The following JARID2 variants were observed in gnomAD, a reference collection of about 807,000 sequenced individuals.
JARID2 encodes protein Jumonji.
In JARID2, 21 loss-of-function variants were observed where a neutral mutation model predicts 125.6. The observed-to-expected ratio is 0.17, with a 90% CI of 0.12 to 0.24. JARID2 has a LOEUF of 0.24. Ranked by LOEUF, JARID2 falls within the 10% of genes least tolerant of loss-of-function variation. The probability of loss-of-function intolerance (pLI) is 1.00; values close to 1 mark genes in which losing one functional copy is unlikely to be tolerated. For synonymous variants in JARID2, 736 were observed against 661.6 expected, an observed-to-expected ratio of 1.11 and a Z score of -1.73; for missense variants, 1,303 against 1,639.6, an observed-to-expected ratio of 0.79 and a Z score of 3.55.
rs1397051948 is a variant in JARID2 at position 15,520,967 on chromosome 6, C to T, written c.*716C>T. On this transcript the variant is annotated 3_prime_UTR_variant, in exon 18 of 18. Transcript: ENST00000341776. ...AAGACTGCCTGCCTTGGAGGGGTCA[C>T]ATGAGGGAGACCTGTGCCTGATTTC... 1 of 337,330 alleles carries T rather than the reference C, an allele frequency of 3.0e-6. No homozygotes were observed. The highest frequency in any genetic ancestry group is 6.1e-6 in the Non-Finnish European group (1 of 163,602). 20.9% of individuals were successfully genotyped at this position (337,330 alleles called of 1,614,324 possible). A position where few individuals can be genotyped will look rare whatever the true frequency, so the allele number is the denominator to read the frequency against.
chr6:15,453,578 G>C (rs1478835118), intron 4 of JARID2, among the ~76,000 whole-genome samples: 1 of 152,218 alleles, frequency 6.6e-6, no homozygotes, highest in Non-Finnish European at 1.5e-5. Context: ...GTGTATAAGT[G>C]TTAAGAGAGG....
At chr6:15,398,780 C>T (rs975774745) in intron 2 of JARID2, among the ~76,000 whole-genome samples, 1 of 152,154 alleles carries the variant, frequency 6.6e-6, no homozygotes, top group East Asian at 1.9e-4. Context: ...TTTATTAGTG[C>T]TGATGCCTGT....
intron 1 of JARID2, among the ~76,000 whole-genome samples, chr6:15,283,139 C>A (rs191510545): frequency 1.3e-5 from 2 of 151,008 alleles, no homozygotes; most frequent in African/African-American, 2.4e-5. Context: ...CCACCACGCC[C>A]GGCTAATTTT....
chr6:15,420,841 G>T (rs1314133442), intron 3 of JARID2, among the ~76,000 whole-genome samples: 1 of 152,198 alleles, frequency 6.6e-6, no homozygotes, highest in African/African-American at 2.4e-5. Flanking sequence ...TATTTTACTT[G>T]ATGTCCTATG....
At chr6:15,519,915 AT>A (rs1372353817) in intron 17 of JARID2, among the ~76,000 whole-genome samples, 153 bp from the exon 18 acceptor site, 3 of 152,064 alleles carry the variant, frequency 2.0e-5, no homozygotes, top group African/African-American at 7.2e-5. Flanking sequence ...GACTCACTGC[AT>A]CTGAGCCTCT....
chr6:15,370,870 T>C (rs1042611332), intron 1 of JARID2, among the ~76,000 whole-genome samples: 2 of 152,194 alleles, frequency 1.3e-5, no homozygotes, highest in Admixed American at 6.5e-5. Flanking sequence ...GAAAGGCAGC[T>C]TAATTGGGAC....
chr6:15,475,425 C>T (rs959737988), intron 5 of JARID2, among the ~76,000 whole-genome samples: 3 of 152,216 alleles, frequency 2.0e-5, no homozygotes, highest in Non-Finnish European at 4.4e-5. Context: ...AGCACCACAT[C>T]TCAGGCCACA....
intron 3 of JARID2, among the ~76,000 whole-genome samples, chr6:15,432,785 TAA>T (rs1767024462): frequency 6.6e-6 from 1 of 152,218 alleles, no homozygotes; most frequent in Admixed American, 6.5e-5. Context: ...GGTTTTTGAA[TAA>T]AGTTAGATGT....
intron 1 of JARID2, among the ~76,000 whole-genome samples, chr6:15,333,232 C>A (rs59986347): frequency 0.011 from 1,748 of 152,212 alleles, 41 homozygotes; most frequent in African/African-American, 0.04. Context: ...GTGCCCGGCA[C>A]ATTTACCCTT....
chr6:15,461,251 A>G (rs1049537372), intron 4 of JARID2, among the ~76,000 whole-genome samples: 2 of 152,220 alleles, frequency 1.3e-5, no homozygotes, highest in Non-Finnish European at 1.5e-5. Flanking sequence ...AAGATGCTAG[A>G]TTAGCGTGGG....
chr6:15,454,172 C>T (rs1398527529), intron 4 of JARID2, among the ~76,000 whole-genome samples: 1 of 152,152 alleles, frequency 6.6e-6, no homozygotes, highest in East Asian at 1.9e-4. Context: ...CACCTCCCAT[C>T]TCTGCTTCTC....
chr6:15,420,434 C>G (rs1050126836), intron 3 of JARID2, among the ~76,000 whole-genome samples: 1 of 151,742 alleles, frequency 6.6e-6, no homozygotes. Flanking sequence ...TTTGGTCTTT[C>G]CATAATCTTC....
At chr6:15,329,828 G>A (rs1182161160) in intron 1 of JARID2, among the ~76,000 whole-genome samples, 3 of 152,094 alleles carry the variant, frequency 2.0e-5, no homozygotes, top group Non-Finnish European at 4.4e-5. Context: ...CTATTTTTTG[G>A]GAGTGATCTT....
At chr6:15,312,486 C>G (rs1762047989) in intron 1 of JARID2, among the ~76,000 whole-genome samples, 1 of 152,246 alleles carries the variant, frequency 6.6e-6, no homozygotes, top group African/African-American at 2.4e-5. Flanking sequence ...TATGCACCTC[C>G]TGTCACCCGA....
At chr6:15,464,214 T>C (rs985208511) in intron 4 of JARID2, among the ~76,000 whole-genome samples, 1 of 152,240 alleles carries the variant, frequency 6.6e-6, no homozygotes, top group African/African-American at 2.4e-5. Context: ...CTGTGGCTTC[T>C]CTGGGTCTGG....
In JARID2 at chr6:15,287,793, C is replaced by T. The variant is rs1761059485; in HGVS notation, c.45+41209C>T. On this transcript the variant is annotated intron_variant, in intron 1 of 17. Coordinates refer to ENST00000341776, the MANE Select transcript of JARID2 (RefSeq NM_004973.4). ...GGTTAGGAGCCCATGTTAAACATGC[C>T]CATAGCTGCACCCTCTACTCATTTC... is the stretch of plus-strand genomic sequence containing the variant. Among the ~76,000 whole-genome samples the T allele has an allele frequency of 1.3e-5, 2 of 152,146 alleles. 1 individual carries two copies. Among genetic ancestry groups the T allele is most frequent in the South Asian group, 4.1e-4 (2 of 4,828 alleles).
chr6:15,302,826 C>T (rs1363309493), intron 1 of JARID2, among the ~76,000 whole-genome samples: 3 of 152,124 alleles, frequency 2.0e-5, no homozygotes, highest in Admixed American at 6.5e-5. Flanking sequence ...CCTCCGCCTC[C>T]TGGGTTCAAG....
At chr6:15,483,926 T>C (rs1343913740) in intron 5 of JARID2, among the ~76,000 whole-genome samples, 1 of 152,244 alleles carries the variant, frequency 6.6e-6, no homozygotes, top group African/African-American at 2.4e-5. Context: ...CTTTATGATA[T>C]GACTTTACAT....
chr6:15,338,251 C>T (rs1762947473), intron 1 of JARID2, among the ~76,000 whole-genome samples: 1 of 152,160 alleles, frequency 6.6e-6, no homozygotes, highest in African/African-American at 2.4e-5. Flanking sequence ...ATGAGGGACG[C>T]CTCTATTCCC....
Sources: allele counts gnomAD v4.1 joint callset (sites outside exome capture counted in the v4.1 genomes callset), GRCh38; gene constraint gnomAD v4.1.1; transcripts MANE v1.5; gene names NCBI Gene and HGNC (gene_info 2026-07-23, HGNC 2026-07-21).